TENM2: variants seen among roughly 807,000 people sequenced by gnomAD.
TENM2 encodes teneurin transmembrane protein 2.
TENM2 carries 52 observed loss-of-function variants against 245.2 expected under a neutral mutation model. The ratio of observed to expected loss-of-function variants is 0.21; its 90% CI spans 0.17 to 0.27. The LOEUF (loss-of-function observed/expected upper bound fraction) is 0.27. TENM2 is among the 10% of genes least tolerant of loss of function. The probability of loss-of-function intolerance (pLI) is 1.00; values close to 1 mark genes in which losing one functional copy is unlikely to be tolerated. For synonymous variants in TENM2, 1,363 were observed against 1,438.9 expected (o/e 0.95, Z 1.19); for missense variants, 3,046 against 3,666.8 (o/e 0.83, Z 4.37).
At chr5:167,447,734 CCTCT>C (rs1226114836) in intron 2 of TENM2, among the ~76,000 whole-genome samples, 1 of 152,148 alleles carries the variant, frequency 6.6e-6, no homozygotes, top group Non-Finnish European at 1.5e-5. Context: ...CACATATGTG[CCTCT>C]CTCTCTACTA....
intron 2 of TENM2, among the ~76,000 whole-genome samples, chr5:167,859,579 GC>G (rs1771505995): frequency 8.8e-6 from 1 of 113,682 alleles, no homozygotes; most frequent in Non-Finnish European, 1.9e-5. Flanking sequence ...CCCCCGCCTG[GC>G]CAGCCGCCCC....
At chr5:167,502,251 G>A (rs1455977455) in intron 2 of TENM2, among the ~76,000 whole-genome samples, 2 of 152,204 alleles carry the variant, frequency 1.3e-5, no homozygotes, top group Non-Finnish European at 2.9e-5. Flanking sequence ...AGCCTGTAGT[G>A]AATGAACTTG....
intron 3 of TENM2, among the ~76,000 whole-genome samples, chr5:167,929,633 G>C (rs1411396496): frequency 6.6e-6 from 1 of 152,110 alleles, no homozygotes; most frequent in African/African-American, 2.4e-5. Context: ...TGAATTTATG[G>C]AATATTATTT....
intron 2 of TENM2, among the ~76,000 whole-genome samples, chr5:167,580,345 G>C (rs1168819090): frequency 2.0e-5 from 3 of 152,108 alleles, no homozygotes; most frequent in African/African-American, 7.2e-5. Flanking sequence ...TTTAAATTTG[G>C]GGGGACATCT....
chr5:167,488,007 T>C (rs1768188533), intron 2 of TENM2, among the ~76,000 whole-genome samples: 1 of 152,200 alleles, frequency 6.6e-6, no homozygotes, highest in Non-Finnish European at 1.5e-5. Context: ...AACCCCACAG[T>C]ATCCTCAGGT....
chr5:167,147,126 C>A, the TENM2 span, among the ~76,000 whole-genome samples: 1 of 152,098 alleles, frequency 6.6e-6, no homozygotes, highest in Non-Finnish European at 1.5e-5. Flanking sequence ...ATTTTTGTCC[C>A]TTTTTCTTTT....
At chr5:167,170,189 T>G in the TENM2 span, among the ~76,000 whole-genome samples, 2 of 152,228 alleles carry the variant, frequency 1.3e-5, no homozygotes, top group African/African-American at 2.4e-5. Flanking sequence ...GAATTCCTTG[T>G]AGGAGGATTA....
the TENM2 span, among the ~76,000 whole-genome samples, chr5:167,275,172 C>T: frequency 1.3e-5 from 2 of 152,036 alleles, no homozygotes; most frequent in Non-Finnish European, 2.9e-5. Context: ...ATCAGTTGGA[C>T]ATAGCTGTGT....
chr5:167,698,008 A>T (rs2150427168), intron 2 of TENM2, among the ~76,000 whole-genome samples: 1 of 151,778 alleles, frequency 6.6e-6, no homozygotes, highest in Admixed American at 6.6e-5. Context: ...ATTAGGGTTC[A>T]AACAAGTGCT....
chr5:167,861,246 G>C (rs1259430757), intron 2 of TENM2, among the ~76,000 whole-genome samples: 4 of 152,044 alleles, frequency 2.6e-5, no homozygotes, highest in Admixed American at 2.0e-4. Flanking sequence ...GTGGGCAAAG[G>C]CCTCTCAGGG....
chr5:167,699,709 C>A (rs2150434878), intron 2 of TENM2, among the ~76,000 whole-genome samples: 1 of 152,308 alleles, frequency 6.6e-6, no homozygotes, highest in Non-Finnish European at 1.5e-5. Context: ...TCGAACATCC[C>A]TCCTCCAGTG....
intron 2 of TENM2, among the ~76,000 whole-genome samples, chr5:167,441,728 T>A (rs1265227267): frequency 6.6e-6 from 1 of 152,222 alleles, no homozygotes; most frequent in East Asian, 1.9e-4. Flanking sequence ...CGTATGTTGA[T>A]GAAGGGCTGA....
At chr5:168,150,146 T>C (rs1756509677) in intron 12 of TENM2, among the ~76,000 whole-genome samples, 1 of 151,392 alleles carries the variant, frequency 6.6e-6, no homozygotes, top group African/African-American at 2.4e-5. Context: ...GAATGTGAGA[T>C]CTTTAAGAAC....
At chr5:167,889,589 T>C (rs1283984183) in intron 3 of TENM2, among the ~76,000 whole-genome samples, 1 of 152,192 alleles carries the variant, frequency 6.6e-6, no homozygotes, top group Non-Finnish European at 1.5e-5. Context: ...TACATGTCGC[T>C]CTTCCTGTAG....
intron 3 of TENM2, among the ~76,000 whole-genome samples, chr5:167,882,111 A>T (rs2151418374): frequency 6.6e-6 from 1 of 152,304 alleles, no homozygotes; most frequent in East Asian, 1.9e-4. Flanking sequence ...TAACCTCAGA[A>T]TATTTGTTTG....
At chr5:168,200,023 C>T in exon 17 of TENM2, 3 of 1,613,980 alleles carry the variant, frequency 1.9e-6, no homozygotes, top group Non-Finnish European at 2.5e-6. Flanking sequence ...TGTCGAGGGG[C>T]ATCTCTTCCA....
intron 2 of TENM2, among the ~76,000 whole-genome samples, chr5:167,623,869 G>A (rs1778335921): frequency 1.3e-5 from 2 of 152,082 alleles, no homozygotes; most frequent in South Asian, 4.1e-4. Context: ...TCCATGGTAA[G>A]ATACCATCTC....
the TENM2 span, among the ~76,000 whole-genome samples, chr5:167,044,423 A>G: frequency 1.3e-5 from 2 of 152,330 alleles, no homozygotes; most frequent in Middle Eastern, 3.4e-3. Context: ...AGGTTACAGC[A>G]TGCATCTATG....
At chr5:167,847,442 CT>C (rs1426792202) in intron 2 of TENM2, among the ~76,000 whole-genome samples, 2 of 152,202 alleles carry the variant, frequency 1.3e-5, no homozygotes, top group Non-Finnish European at 2.9e-5. Flanking sequence ...TCTATCACTT[CT>C]ATTCCTTGGT....
Sources: gnomAD v4.1 joint callset for allele counts (sites outside exome capture counted in the v4.1 genomes callset) on GRCh38, gnomAD v4.1.1 for gene constraint, MANE v1.5 for transcripts, NCBI Gene and HGNC (gene_info 2026-07-23, HGNC 2026-07-21) for gene names.